Variants in RIMS2 observed in about 807,000 individuals in gnomAD.
RIMS2 encodes the protein regulating synaptic membrane exocytosis protein 2.
Under a neutral mutation model 174.4 loss-of-function variants are expected in RIMS2, and 59 were observed. The observed-to-expected ratio is 0.34, with a 90% CI of 0.27 to 0.42. RIMS2 has a LOEUF of 0.42. Among genes scored for constraint, RIMS2 ranks in the 10% least tolerant of loss-of-function variants. RIMS2 has a pLI of 1.00. For synonymous variants in RIMS2, 606 were observed against 572.5 expected (o/e 1.06, Z -0.84); for missense variants, 1,620 against 1,666.3 (o/e 0.97, Z 0.48).
At chr8:103,706,580 G>A (rs1006817132) in intron 2 of RIMS2, among the ~76,000 whole-genome samples, 4 of 152,074 alleles carry the variant, frequency 2.6e-5, no homozygotes, top group Non-Finnish European at 4.4e-5. Flanking sequence ...GTTCTCTGTT[G>A]CAAATTTTTC....
intron 19 of RIMS2, among the ~76,000 whole-genome samples, chr8:104,092,234 G>C (rs1215650115): frequency 6.6e-6 from 1 of 151,716 alleles, no homozygotes; most frequent in Non-Finnish European, 1.5e-5. Context: ...GCAATGAATT[G>C]TCATTCGTGG....
intron 4 of RIMS2, among the ~76,000 whole-genome samples, chr8:103,898,012 C>T (rs757905997): frequency 4.0e-5 from 6 of 151,546 alleles, no homozygotes; most frequent in Non-Finnish European, 5.9e-5. Context: ...TGACCTACCA[C>T]GCGTTGTGCT....
intron 1 of RIMS2, among the ~76,000 whole-genome samples, chr8:103,550,755 T>C (rs1358399770): frequency 6.6e-6 from 1 of 151,942 alleles, no homozygotes; most frequent in Non-Finnish European, 1.5e-5. Flanking sequence ...ATAGATACAA[T>C]AAAAAATGAT....
chr8:103,606,516 T>A (rs982587796), intron 1 of RIMS2, among the ~76,000 whole-genome samples: 4 of 152,192 alleles, frequency 2.6e-5, no homozygotes, highest in African/African-American at 9.7e-5. Context: ...GTCTATTAGG[T>A]CTGCTTGGTG....
intron 3 of RIMS2, among the ~76,000 whole-genome samples, chr8:103,879,056 G>A (rs1304136678): frequency 6.6e-6 from 1 of 151,438 alleles, no homozygotes; most frequent in African/African-American, 2.4e-5. Context: ...CATGTTAAGA[G>A]TAAAGAGTTA....
chr8:104,154,981 AAAAC>A (rs2098712654), intron 19 of RIMS2, among the ~76,000 whole-genome samples: 1 of 152,146 alleles, frequency 6.6e-6, no homozygotes, highest in Non-Finnish European at 1.5e-5. Flanking sequence ...TTTAATCTAA[AAAAC>A]AAAAAAGAAA....
intron 1 of RIMS2, among the ~76,000 whole-genome samples, chr8:103,628,105 A>G (rs921472179): frequency 3.6e-4 from 55 of 152,330 alleles, no homozygotes; most frequent in Admixed American, 1.5e-3. Context: ...GGTACTTTAT[A>G]TAAGGCATTG....
At chr8:103,587,432 G>GAA (rs1444723639) in intron 1 of RIMS2, among the ~76,000 whole-genome samples, 1 of 119,830 alleles carries the variant, frequency 8.3e-6, no homozygotes, top group African/African-American at 3.2e-5. Flanking sequence ...AAGAAAGAAA[G>GAA]AAAGAAAGAA....
At chr8:103,542,798 A>T (rs552177309) in intron 1 of RIMS2, among the ~76,000 whole-genome samples, 1 of 152,322 alleles carries the variant, frequency 6.6e-6, no homozygotes, top group East Asian at 1.9e-4. Context: ...AGATGCAGAA[A>T]AGCATTTGAA....
rs139919077 is a variant in RIMS2 at position 104,225,093 on chromosome 8, T to A, written c.3335-19823T>A. On this transcript the variant is annotated intron_variant, in intron 19 of 23. Transcript: ENST00000504942. ...AAGTAAATTAAATTGAGTAAATGAATGATCATAATTGTAGCTAAAACTTTT... is the reference window on the plus strand; with the variant it reads ...AAGTAAATTAAATTGAGTAAATGAAAGATCATAATTGTAGCTAAAACTTTT... 2.9e-3 allele frequency among the ~76,000 whole-genome samples: 437 copies of A among 152,388 alleles called. 4 individuals are homozygous for A. The highest frequency in any genetic ancestry group is 5.0e-3 in the Non-Finnish European group (340 of 68,038).
chr8:103,702,830 AG>A (rs2097180874), intron 2 of RIMS2, among the ~76,000 whole-genome samples: 1 of 143,818 alleles, frequency 7.0e-6, no homozygotes, highest in Non-Finnish European at 1.5e-5. Flanking sequence ...TTTTGAGGTC[AG>A]GCGATGTAAT....
intron 19 of RIMS2, among the ~76,000 whole-genome samples, chr8:104,140,547 A>C (rs2098557102): frequency 6.6e-6 from 1 of 152,208 alleles, no homozygotes; most frequent in South Asian, 2.1e-4. Context: ...ACAAATTAGA[A>C]AAAGTGGTAC....
intron 19 of RIMS2, among the ~76,000 whole-genome samples, chr8:104,210,991 T>C (rs2099102669): frequency 6.6e-6 from 1 of 152,220 alleles, no homozygotes; most frequent in Non-Finnish European, 1.5e-5. Context: ...ATCTTTCCTC[T>C]TCATGTTGGA....
Position 103,819,148 on chromosome 8 carries a change from G to A in RIMS2, c.698+52611G>A, listed in dbSNP as rs1023677806. 10 of 965,744 alleles carry A rather than the reference G, an allele frequency of 1.0e-5. No homozygotes were observed. The South Asian group carries it at 3.6e-4, about 34-fold the overall frequency. The allele number at this position is 965,744 out of a possible 1,614,324, so 59.8% of individuals were successfully genotyped here. On this transcript the variant is annotated intron_variant, in intron 3 of 23. Coordinates refer to ENST00000504942, the Ensembl canonical transcript of RIMS2. Reference sequence around the variant, plus strand: ...AGATGTGCTAAAACTCCTGACGACAGCATCTATTCATTGCATGTTTTTAAT... The same window carrying A: ...AGATGTGCTAAAACTCCTGACGACAACATCTATTCATTGCATGTTTTTAAT...
intron 17 of RIMS2, among the ~76,000 whole-genome samples, chr8:104,008,931 C>G (rs543787227): frequency 2.0e-5 from 3 of 151,886 alleles, no homozygotes; most frequent in Non-Finnish European, 4.4e-5. Context: ...ATATAATATT[C>G]GTATTCGTGC....
At chr8:103,920,143 C>G (rs1465641520) in intron 9 of RIMS2, among the ~76,000 whole-genome samples, 1 of 152,136 alleles carries the variant, frequency 6.6e-6, no homozygotes, top group Non-Finnish European at 1.5e-5. Flanking sequence ...GGTCCTTTCT[C>G]AGATTAGATC....
At chr8:104,053,481 A>C (rs1163300752) in intron 19 of RIMS2, among the ~76,000 whole-genome samples, 1 of 152,182 alleles carries the variant, frequency 6.6e-6, no homozygotes, top group Non-Finnish European at 1.5e-5. Flanking sequence ...AGTTCTGACA[A>C]GGAGATTGGG....
chr8:103,695,926 G>A (rs2097095779), intron 1 of RIMS2, among the ~76,000 whole-genome samples: 1 of 152,082 alleles, frequency 6.6e-6, no homozygotes, highest in Admixed American at 6.5e-5. Flanking sequence ...CAGACTAGGG[G>A]CATGTGTTTA....
intron 9 of RIMS2, among the ~76,000 whole-genome samples, chr8:103,920,394 A>G (rs1317655010): frequency 1.3e-5 from 2 of 152,134 alleles, no homozygotes; most frequent in African/African-American, 2.4e-5. Context: ...AAAAAACAAC[A>G]ACGACAACAA....
Sources: gnomAD v4.1 joint callset for allele counts (sites outside exome capture counted in the v4.1 genomes callset) on GRCh38, gnomAD v4.1.1 for gene constraint, MANE v1.5 for transcripts, NCBI Gene and HGNC (gene_info 2026-07-23, HGNC 2026-07-21) for gene names.